The following EFEMP1 variants were observed in gnomAD, a reference collection of about 807,000 sequenced individuals.
EFEMP1 encodes EGF-like fibulin extracellular matrix protein 1.
A neutral mutation model predicts 65.7 loss-of-function variants in EFEMP1; 18 were observed. The ratio of observed to expected loss-of-function variants is 0.27; its 90% CI spans 0.19 to 0.41. The LOEUF (loss-of-function observed/expected upper bound fraction) is 0.41. Among genes scored for constraint, EFEMP1 ranks in the 10% least tolerant of loss-of-function variants. The probability of loss-of-function intolerance (pLI) is 1.00; values close to 1 mark genes in which losing one functional copy is unlikely to be tolerated. For synonymous variants in EFEMP1, 237 were observed against 219.7 expected (o/e 1.08, Z -0.70); for missense variants, 469 against 624.8 (o/e 0.75, Z 2.66).
At chr2:55,876,465 C>T (rs923844788) in intron 8 of EFEMP1, among the ~76,000 whole-genome samples, 158 bp downstream of exon 8, 4 of 152,068 alleles carry the variant, frequency 2.6e-5, no homozygotes, top group Non-Finnish European at 5.9e-5. Context: ...TGGTAACACA[C>T]TAAAAAGGCA....
chr2:55,895,602 C>T (rs557968724), intron 5 of EFEMP1, among the ~76,000 whole-genome samples: 13 of 147,934 alleles, frequency 8.8e-5, no homozygotes, highest in African/African-American at 3.3e-4. Flanking sequence ...AGTGCAGTGG[C>T]GCGATCTCGG....
In EFEMP1 at chr2:55,875,335, T is replaced by C. The variant is rs55761340; in HGVS notation, c.881-270A>G. 0.12 allele frequency among the ~76,000 whole-genome samples: 15,183 copies of C among 124,996 alleles called. 1,328 individuals carry two copies. Among genetic ancestry groups the C allele is most frequent in the South Asian group, 0.28 (1,071 of 3,882 alleles). The allele number at this position is 124,996 out of a possible 152,430, so 82.0% of individuals were successfully genotyped here. On this transcript the variant is annotated intron_variant, in intron 8 of 11. Coordinates refer to ENST00000355426, the MANE Select transcript of EFEMP1 (RefSeq NM_001039348.3). Reference sequence around the variant, plus strand: ...TCTTAAGTTGCCTGGGTTTCATATATACACACACACACACACACACACACA... The same window carrying C: ...TCTTAAGTTGCCTGGGTTTCATATACACACACACACACACACACACACACA...
intron 6 of EFEMP1, among the ~76,000 whole-genome samples, chr2:55,878,593 T>C (rs1669122168): frequency 6.6e-6 from 1 of 152,208 alleles, no homozygotes; most frequent in Non-Finnish European, 1.5e-5. Context: ...CAACATGGCA[T>C]GTGTAATTTA....
chr2:55,880,332 A>C lies in EFEMP1; in HGVS notation c.640+1280T>G, dbSNP rs552542015. Among the ~76,000 whole-genome samples, 3 of 152,244 alleles carry C rather than the reference A, an allele frequency of 2.0e-5. No homozygotes were observed. The South Asian group carries it at 6.2e-4, about 32-fold the overall frequency. ...GTGACCGTATGTTCCATTATCTTTG[A>C]TTCACCCCACACTAAGTTGGATTAG... On this transcript the variant is annotated intron_variant, in intron 6 of 11. Transcript: ENST00000355426.
At chr2:55,909,343 C>T (rs56004374) in intron 5 of EFEMP1, among the ~76,000 whole-genome samples, 2 of 152,096 alleles carry the variant, frequency 1.3e-5, no homozygotes, top group African/African-American at 2.4e-5. Context: ...GGTGGAGTTA[C>T]GGAGGATGGA....
intron 5 of EFEMP1, among the ~76,000 whole-genome samples, chr2:55,909,907 T>G (rs912933711): frequency 6.6e-6 from 1 of 152,202 alleles, no homozygotes; most frequent in Non-Finnish European, 1.5e-5. Flanking sequence ...TTGACTCTAT[T>G]AAGCTACAGC....
chr2:55,870,936 A>T lies in EFEMP1; in HGVS notation c.1125-21T>A. The T allele has an allele frequency of 6.2e-7, 1 of 1,613,772 alleles. No homozygotes were observed. The highest frequency in any genetic ancestry group is 8.5e-7 in the Non-Finnish European group (1 of 1,179,790). On this transcript the variant is annotated intron_variant, in intron 10 of 11. Coordinates refer to ENST00000355426, the MANE Select transcript of EFEMP1 (RefSeq NM_001039348.3). This position sits in a 1 kb window ranked among gnomAD's most constrained non-coding sequence, Gnocchi z 5.8. ...ATCGGCTGCAGAGACAAACAAAAGT[A>T]TTCAGCAGTTTGGCTTGGTAAGACC...
At chr2:55,913,853 T>A (rs903643578) in intron 5 of EFEMP1, among the ~76,000 whole-genome samples, 6 of 151,942 alleles carry the variant, frequency 3.9e-5, no homozygotes, top group Non-Finnish European at 2.9e-5. Context: ...CTACTAAAAA[T>A]ACAAAAATTA....
intron 5 of EFEMP1, among the ~76,000 whole-genome samples, chr2:55,902,574 C>A (rs1489769953): frequency 6.6e-6 from 1 of 152,130 alleles, no homozygotes; most frequent in African/African-American, 2.4e-5. Context: ...ACCACAATAC[C>A]GTAATTACCC....
At chr2:55,879,298 A>C (rs1669150039) in intron 6 of EFEMP1, among the ~76,000 whole-genome samples, 1 of 152,322 alleles carries the variant, frequency 6.6e-6, no homozygotes, top group Non-Finnish European at 1.5e-5. Context: ...CTTCACACTA[A>C]TTAAGAGCAA....
At chr2:55,897,951 C>T (rs1015023004) in intron 5 of EFEMP1, among the ~76,000 whole-genome samples, 3 of 152,174 alleles carry the variant, frequency 2.0e-5, no homozygotes, top group Admixed American at 6.5e-5. Flanking sequence ...GTTACAATGA[C>T]TCTGCTTAGG....
chr2:55,900,641 A>C (rs965124272), intron 5 of EFEMP1, among the ~76,000 whole-genome samples: 4 of 144,086 alleles, frequency 2.8e-5, no homozygotes, highest in Admixed American at 7.0e-5. Flanking sequence ...TATACTTTCT[A>C]ATAGCTGAAT....
intron 5 of EFEMP1, among the ~76,000 whole-genome samples, chr2:55,915,904 T>A (rs948343437): frequency 6.6e-6 from 1 of 152,098 alleles, no homozygotes; most frequent in Admixed American, 6.5e-5. Context: ...AAATTCAATA[T>A]CAGAATATCA....
At position 55,921,472 on chromosome 2, in the gene EFEMP1, T is replaced by A. The variant is rs1670903751; in HGVS notation, c.81+888A>T. Among the ~76,000 whole-genome samples the A allele has an allele frequency of 6.6e-6, 1 of 152,240 alleles. No homozygotes were observed. The highest frequency in any genetic ancestry group is 2.1e-4 in the South Asian group (1 of 4,832). ...CATTCTTTCGAGTAGGATTACTTAA[T>A]TTTAAACTGGGAGCAGTAGAAAAAT... On this transcript the variant is annotated intron_variant, in intron 3 of 11. Coordinates refer to ENST00000355426, the MANE Select transcript of EFEMP1 (RefSeq NM_001039348.3). This position sits in a 1 kb window ranked among gnomAD's most constrained non-coding sequence, Gnocchi z 4.1.
intron 5 of EFEMP1, among the ~76,000 whole-genome samples, chr2:55,912,255 A>G (rs1670506190): frequency 6.6e-6 from 1 of 152,130 alleles, no homozygotes; most frequent in African/African-American, 2.4e-5. Flanking sequence ...AATTATATGG[A>G]AGAAAAATTA....
At chr2:55,868,114 T>G (rs1668657383) in intron 11 of EFEMP1, among the ~76,000 whole-genome samples, 1 of 152,210 alleles carries the variant, frequency 6.6e-6, no homozygotes. Flanking sequence ...ATGTCTTGAC[T>G]ACAAGCTCCA....
intron 5 of EFEMP1, among the ~76,000 whole-genome samples, chr2:55,916,107 A>G (rs75470854): frequency 1.5e-5 from 2 of 129,446 alleles, no homozygotes; most frequent in African/African-American, 5.9e-5. Flanking sequence ...AGTTTCCTTC[A>G]TTTTTTTTTT....
rs768054482 is a variant in EFEMP1 at position 55,877,881 on chromosome 2, C to A, written c.641-16G>T. On this transcript the variant is annotated splice_polypyrimidine_tract_variant and intron_variant, in intron 6 of 11. Coordinates refer to ENST00000355426, the MANE Select transcript of EFEMP1 (RefSeq NM_001039348.3). This position sits in a 1 kb window ranked among gnomAD's most constrained non-coding sequence, Gnocchi z 4.5. ...TCATCTATGTCTAGGTTATCAGGCA[C>A]ACACACAAAGAGAACCAAATTATTG... 3 of 1,612,566 alleles carry A rather than the reference C, an allele frequency of 1.9e-6. No individual in the cohort carries two copies. In the East Asian group the frequency reaches 6.7e-5, roughly 36 times the overall value.
At chr2:55,874,364 G>T (rs1668940129) in intron 9 of EFEMP1, among the ~76,000 whole-genome samples, 1 of 151,226 alleles carries the variant, frequency 6.6e-6, no homozygotes. Flanking sequence ...TCATACCATT[G>T]TGGGGAGCTG....
Sources: gnomAD v4.1 joint callset for allele counts (sites outside exome capture counted in the v4.1 genomes callset) on GRCh38, gnomAD v4.1.1 for gene constraint, Gnocchi (gnomAD v3.1) non-coding constraint, MANE v1.5 for transcripts, NCBI Gene and HGNC (gene_info 2026-07-23, HGNC 2026-07-21) for gene names.